FAM120C: variants seen among roughly 807,000 people sequenced by gnomAD.
FAM120C encodes the protein family with sequence similarity 120 member C, also known as constitutive coactivator of PPAR-gamma-like protein 2.
In FAM120C, 14 loss-of-function variants were observed where a neutral mutation model predicts 71.2. That is an observed-to-expected ratio of 0.20 (90% CI 0.13 to 0.31). The LOEUF is 0.31. FAM120C is among the 10% of genes least tolerant of loss of function. The probability of loss-of-function intolerance (pLI) is 1.00; values close to 1 mark genes in which losing one functional copy is unlikely to be tolerated. For missense variants in FAM120C, 500 were observed against 879.0 expected, an observed-to-expected ratio of 0.57 and a Z score of 5.45; for synonymous variants, 354 against 353.2, an observed-to-expected ratio of 1.00 and a Z score of -0.03.
At chrX:54,164,627 T>C (rs2067251283) in intron 1 of FAM120C, among the ~76,000 whole-genome samples, 1 of 112,305 alleles carries the variant, frequency 8.9e-6, no homozygotes, top group African/African-American at 3.2e-5. Context: ...TTCCATTGTA[T>C]GCTATACATT....
intron 10 of FAM120C, among the ~76,000 whole-genome samples, chrX:54,095,476 G>C (rs1326301574): frequency 9.3e-6 from 1 of 107,339 alleles, no homozygotes; most frequent in Non-Finnish European, 1.9e-5. Flanking sequence ...CTCCTGAGCA[G>C]CTGGGACTAC....
At position 54,155,699 on chromosome X, in the gene FAM120C, G is replaced by A. The variant is rs142945997; in HGVS notation, c.1029+1990C>T. On this transcript the variant is annotated intron_variant, in intron 3 of 15. Transcript: ENST00000375180. ...TAAAGTTGTATTTTTAAACTTCATA[G>A]ATGCATGCTTACACAATCTGGAAAG... Among the ~76,000 whole-genome samples the A allele has an allele frequency of 3.3e-3, 367 of 111,095 alleles. 2 individuals are homozygous for A. The highest frequency in any genetic ancestry group is 0.011 in the African/African-American group (346 of 30,604).
At chrX:54,145,240 C>T (rs1382818438) in intron 4 of FAM120C, among the ~76,000 whole-genome samples, 1 of 112,093 alleles carries the variant, frequency 8.9e-6, no homozygotes. Flanking sequence ...CAATACCATT[C>T]AGGACATAGG....
chrX:54,072,566 A>G lies in FAM120C; in HGVS notation c.*467T>C, dbSNP rs1278782365. 4 of 102,310 alleles carry G rather than the reference A, an allele frequency of 3.9e-5. No individual in the cohort carries two copies. Among genetic ancestry groups the G allele is most frequent in the African/African-American group, 1.1e-4 (3 of 28,055 alleles). 8.4% of individuals were successfully genotyped at this position (102,310 alleles called of 1,213,427 possible). A position where few individuals can be genotyped will look rare whatever the true frequency, so the allele number is the denominator to read the frequency against. On this transcript the variant is annotated 3_prime_UTR_variant, in exon 16 of 16. Transcript: ENST00000375180. ...AAGAGGTAGATACCACTTCATAGAG[A>G]AAAAAAAAAAACAAAAAAAAACCTC...
At chrX:54,158,715 G>A (rs2067222132) in intron 2 of FAM120C, among the ~76,000 whole-genome samples, 2 of 111,543 alleles carry the variant, frequency 1.8e-5, no homozygotes, top group Non-Finnish European at 1.9e-5. Flanking sequence ...ATTGCAGTGA[G>A]TCGAGATCGT....
chrX:54,148,530 C>T (rs782273366), intron 4 of FAM120C, among the ~76,000 whole-genome samples: 2 of 111,374 alleles, frequency 1.8e-5, no homozygotes, highest in South Asian at 3.8e-4. Flanking sequence ...GCCTGTAGTC[C>T]GAGCTACTTG....
At chrX:54,174,243 G>C (rs1466720836) in intron 1 of FAM120C, 1 of 501,648 alleles carries the variant, frequency 2.0e-6, no homozygotes, top group Non-Finnish European at 3.6e-6. Context: ...AATCTTGGAA[G>C]TGACATCCCA....
chrX:54,182,764 G>A lies in FAM120C; in HGVS notation c.435C>T (p.Ala145=). ...TDWVCGGQWN[A]MLGYLSALCQ... is the part of the protein sequence containing the mutation. ...ACAGCGCTGACAAGTAGCCCAGCATGGCGTTCCATTGGCCGCCACACACCC... is the reference window on the plus strand; with the variant it reads ...ACAGCGCTGACAAGTAGCCCAGCATAGCGTTCCATTGGCCGCCACACACCC... The change falls in exon 1 of 16, where the codon GCC becomes GCT. Residue 145 remains alanine (A), a synonymous_variant. Transcript: ENST00000375180. 1 of 1,209,364 alleles carries A rather than the reference G, an allele frequency of 8.3e-7. No homozygotes were observed. The highest frequency in any genetic ancestry group is 1.1e-6 in the Non-Finnish European group (1 of 894,607).
intron 1 of FAM120C, 144 bp from the exon 2 acceptor site, chrX:54,159,760 A>ATT: frequency 2.1e-6 from 1 of 475,436 alleles, no homozygotes. Context: ...AACATTTTTT[A>ATT]CTTTTTTTTT....
At chrX:54,105,337 G>A (rs1171076261) in intron 10 of FAM120C, among the ~76,000 whole-genome samples, 2 of 111,386 alleles carry the variant, frequency 1.8e-5, no homozygotes, top group Non-Finnish European at 3.8e-5. Flanking sequence ...ATGCAGAAAA[G>A]GCCTTCAACA....
chrX:54,169,020 A>G (rs1486498811), intron 1 of FAM120C, among the ~76,000 whole-genome samples: 1 of 111,802 alleles, frequency 8.9e-6, no homozygotes, highest in Non-Finnish European at 1.9e-5. Context: ...AGGGCTGGAC[A>G]TGGTGGCTCA....
At chrX:54,180,434 C>A (rs1490065897) in intron 1 of FAM120C, among the ~76,000 whole-genome samples, 1 of 112,254 alleles carries the variant, frequency 8.9e-6, no homozygotes, top group East Asian at 2.8e-4. Flanking sequence ...TTTCACTAAA[C>A]CTTGTCCTCC....
chrX:54,096,930 G>A (rs1300575681), intron 10 of FAM120C, among the ~76,000 whole-genome samples: 1 of 111,556 alleles, frequency 9.0e-6, no homozygotes, highest in Non-Finnish European at 1.9e-5. Flanking sequence ...GATTGTCACC[G>A]TTAATCACTG....
At chrX:54,117,424 C>G (rs1249521924) in intron 9 of FAM120C, among the ~76,000 whole-genome samples, 2 of 92,840 alleles carry the variant, frequency 2.2e-5, no homozygotes, top group African/African-American at 9.2e-5. Context: ...TAAGGCCAGG[C>G]GTGGTGGCTC....
At chrX:54,156,509 G>A (rs2067210436) in intron 3 of FAM120C, among the ~76,000 whole-genome samples, 1 of 107,378 alleles carries the variant, frequency 9.3e-6, no homozygotes, top group African/African-American at 3.4e-5. Context: ...ACAGGCATGA[G>A]CCACCGTGCC....
At chrX:54,128,113 T>G (rs1044406390) in intron 9 of FAM120C, among the ~76,000 whole-genome samples, 7 of 111,610 alleles carry the variant, frequency 6.3e-5, no homozygotes, top group Non-Finnish European at 1.1e-4. Context: ...CACGGCATCC[T>G]CCACCACCCA....
chrX:54,103,734 C>T (rs782619443), intron 10 of FAM120C, among the ~76,000 whole-genome samples: 6 of 85,908 alleles, frequency 7.0e-5, no homozygotes, highest in Non-Finnish European at 1.1e-4. Flanking sequence ...CACTTCGGTA[C>T]GTAATAGGTC....
At chrX:54,168,133 T>C (rs1603364696) in intron 1 of FAM120C, among the ~76,000 whole-genome samples, 2 of 111,172 alleles carry the variant, frequency 1.8e-5, no homozygotes, top group Non-Finnish European at 3.8e-5. Context: ...AATTGGTGTT[T>C]CTACTTTTTA....
intron 8 of FAM120C, among the ~76,000 whole-genome samples, chrX:54,133,543 A>G (rs782526322): frequency 1.8e-5 from 2 of 111,920 alleles, no homozygotes; most frequent in African/African-American, 6.5e-5. Context: ...ATCTACTTCA[A>G]AATCTCACAA....
Sources: allele counts gnomAD v4.1 joint callset (sites outside exome capture counted in the v4.1 genomes callset), GRCh38; gene constraint gnomAD v4.1.1; transcripts MANE v1.5; gene names NCBI Gene and HGNC (gene_info 2026-07-23, HGNC 2026-07-21).